Variants in ARHGAP24 observed in about 807,000 individuals in gnomAD.
ARHGAP24 encodes the protein rho GTPase-activating protein 24.
In ARHGAP24, 50 loss-of-function variants were observed where a neutral mutation model predicts 76.4. The ratio of observed to expected loss-of-function variants is 0.65; its 90% CI spans 0.52 to 0.83. The LOEUF is 0.83. Among genes scored for constraint, ARHGAP24 ranks in the 40% least tolerant of loss-of-function variants. The pLI, the probability that ARHGAP24 is intolerant of heterozygous loss-of-function variation, is 0.00. For synonymous variants in ARHGAP24, 345 were observed against 323.3 expected, an observed-to-expected ratio of 1.07 and a Z score of -0.72; for missense variants, 930 against 914.2, an observed-to-expected ratio of 1.02 and a Z score of -0.22.
chr4:85,654,406 T>C (rs1722058034), intron 2 of ARHGAP24, among the ~76,000 whole-genome samples: 1 of 152,188 alleles, frequency 6.6e-6, no homozygotes, highest in East Asian at 1.9e-4. Flanking sequence ...GGTTTCAACA[T>C]GAATTTTGGG....
rs5860005 is a variant in ARHGAP24 at position 85,872,595 on chromosome 4, CTTTTTTTT to C, written c.269-51038_269-51031del. 6.8e-5 allele frequency among the ~76,000 whole-genome samples: 5 copies of C among 73,186 alleles called. No homozygotes were observed. In the East Asian group the frequency reaches 1.8e-3, roughly 26 times the overall value. 48.0% of individuals were successfully genotyped at this position (73,186 alleles called of 152,430 possible). Reference sequence around the variant, plus strand: ...ATAGGCATGAGCCACTGCATCTGGCCTTTTTTTTTTTTTTTTTTTTTTGACAGGGTCTC... The same window carrying C: ...ATAGGCATGAGCCACTGCATCTGGCCTTTTTTTTTTTTTTGACAGGGTCTC... On this transcript the variant is annotated intron_variant, in intron 3 of 9. Coordinates refer to ENST00000395184, the MANE Select transcript of ARHGAP24 (RefSeq NM_001025616.3).
intron 2 of ARHGAP24, among the ~76,000 whole-genome samples, chr4:85,576,658 A>C (rs1727388753): frequency 6.6e-6 from 1 of 152,202 alleles, no homozygotes; most frequent in Non-Finnish European, 1.5e-5. Flanking sequence ...AACGACACTA[A>C]GATGGTACTG....
In ARHGAP24 at chr4:85,780,424, G is replaced by A. The variant is rs563150821; in HGVS notation, c.268+58452G>A. On this transcript the variant is annotated intron_variant, in intron 3 of 9. Coordinates refer to ENST00000395184, the MANE Select transcript of ARHGAP24 (RefSeq NM_001025616.3). ...GCTGACCTCATGATCCACCCACCTCGGCCTCCCAAAGTGCTGGGATTACAA... is the reference window on the plus strand; with the variant it reads ...GCTGACCTCATGATCCACCCACCTCAGCCTCCCAAAGTGCTGGGATTACAA... Among the ~76,000 whole-genome samples the A allele has an allele frequency of 3.4e-3, 524 of 152,132 alleles. 6 individuals are homozygous for A. The highest frequency in any genetic ancestry group is 0.012 in the African/African-American group (506 of 41,506).
intron 3 of ARHGAP24, among the ~76,000 whole-genome samples, chr4:85,919,564 T>C (rs760067108): frequency 2.0e-5 from 3 of 152,140 alleles, no homozygotes; most frequent in African/African-American, 4.8e-5. Context: ...GATCCATAGA[T>C]GAAATTCACA....
At chr4:85,743,321 A>G (rs1725893623) in intron 3 of ARHGAP24, among the ~76,000 whole-genome samples, 1 of 147,464 alleles carries the variant, frequency 6.8e-6, no homozygotes, top group Non-Finnish European at 1.5e-5. Context: ...GAAAGAGCCA[A>G]TGAGGGGCCA....
At chr4:85,884,803 T>C (rs1050603114) in intron 3 of ARHGAP24, among the ~76,000 whole-genome samples, 2 of 152,186 alleles carry the variant, frequency 1.3e-5, no homozygotes, top group Middle Eastern at 3.2e-3. Flanking sequence ...GTTGAGAGTG[T>C]TGAGTACAGA....
chr4:85,976,115 T>C (rs1409119560), intron 7 of ARHGAP24, among the ~76,000 whole-genome samples: 2 of 152,218 alleles, frequency 1.3e-5, no homozygotes, highest in Non-Finnish European at 2.9e-5. Flanking sequence ...AAAAAGCTTC[T>C]TTGGAACCAT....
chr4:85,713,313 T>C (rs143733547), intron 2 of ARHGAP24, among the ~76,000 whole-genome samples: 113 of 152,190 alleles, frequency 7.4e-4, no homozygotes, highest in African/African-American at 2.7e-3. Context: ...CTCAAAAAGA[T>C]AAGTTCATTA....
intron 3 of ARHGAP24, among the ~76,000 whole-genome samples, chr4:85,788,188 C>T (rs1057457686): frequency 6.6e-6 from 1 of 152,150 alleles, no homozygotes; most frequent in African/African-American, 2.4e-5. Flanking sequence ...GATTCCCCCT[C>T]ATCCCCACCC....
At chr4:85,782,423 G>T (rs1247684372) in intron 3 of ARHGAP24, among the ~76,000 whole-genome samples, 1 of 152,074 alleles carries the variant, frequency 6.6e-6, no homozygotes. Context: ...TTTCAAACCT[G>T]GAAAAGGAAA....
rs541263857 is a variant in ARHGAP24 at position 85,582,462 on chromosome 4, C to T, written c.180+11741C>T. The stretch of plus-strand genomic sequence containing the variant: ...TATTTTAAAGATATGGACAATCAGA[C>T]TGCTCCCTTTAAAGCCCTTTCCATC... On this transcript the variant is annotated intron_variant, in intron 2 of 9. Coordinates refer to ENST00000395184, the MANE Select transcript of ARHGAP24 (RefSeq NM_001025616.3). Among the ~76,000 whole-genome samples the T allele has an allele frequency of 7.9e-5, 12 of 152,244 alleles. No homozygotes were observed. In the South Asian group the frequency reaches 2.5e-3, roughly 32 times the overall value.
At chr4:85,655,818 A>G (rs4527466) in intron 2 of ARHGAP24, among the ~76,000 whole-genome samples, 2,351 of 35,262 alleles carry the variant, frequency 0.067, 347 homozygotes, top group African/African-American at 0.27. Context: ...GAGAGAGAGA[A>G]AGAGAGAGAG....
chr4:85,786,045 A>G (rs982407093), intron 3 of ARHGAP24, among the ~76,000 whole-genome samples: 2 of 151,664 alleles, frequency 1.3e-5, no homozygotes, highest in African/African-American at 4.9e-5. Context: ...GGCCTATTTC[A>G]TTTCCTTAAT....
intron 2 of ARHGAP24, among the ~76,000 whole-genome samples, chr4:85,640,574 A>C (rs1194729063): frequency 3.3e-5 from 5 of 152,198 alleles, no homozygotes; most frequent in African/African-American, 1.2e-4. Context: ...AGAGTTTATT[A>C]AACAAACATC....
chr4:85,657,636 A>T (rs969549218), intron 2 of ARHGAP24, among the ~76,000 whole-genome samples: 1 of 152,160 alleles, frequency 6.6e-6, no homozygotes, highest in Non-Finnish European at 1.5e-5. Flanking sequence ...CAAATTAATA[A>T]CTTTATCCTC....
intron 3 of ARHGAP24, among the ~76,000 whole-genome samples, chr4:85,870,320 T>C (rs989902852): frequency 7.2e-5 from 11 of 152,194 alleles, no homozygotes; most frequent in African/African-American, 2.7e-4. Context: ...TGTACATGTC[T>C]ATATTTTCTT....
Position 85,994,762 on chromosome 4 carries a change from C to T in ARHGAP24, c.1108C>T (p.Pro370Ser), listed in dbSNP as rs768626255. The stretch of plus-strand genomic sequence containing the variant: ...GGAGAACAATAACACCAAGGACAGC[C>T]CTAGTAGGCAGTGCTCCTGGGACAA... ...NKENNNTKDS[P>S]SRQCSWDKSE... Residue 370 changes from proline (P) to serine (S), a missense_variant, in exon 9 of 10, where the codon CCT (proline) becomes TCT (serine). Coordinates refer to ENST00000395184, the MANE Select transcript of ARHGAP24 (RefSeq NM_001025616.3). The T allele has an allele frequency of 6.2e-6, 10 of 1,613,920 alleles. No individual in the cohort carries two copies. In the African/African-American group the frequency reaches 1.1e-4, roughly 17 times the overall value.
chr4:85,800,897 G>A (rs1728552954), intron 3 of ARHGAP24, among the ~76,000 whole-genome samples: 1 of 152,190 alleles, frequency 6.6e-6, no homozygotes, highest in African/African-American at 2.4e-5. Flanking sequence ...TCAGTTGAAA[G>A]TTCTCAATAG....
chr4:85,995,061 T>G lies in ARHGAP24; in HGVS notation c.1407T>G (p.Gly469=). The change falls in exon 9 of 10, where the codon GGT becomes GGG. Residue 469 remains glycine, a synonymous_variant. Coordinates refer to ENST00000395184, the MANE Select transcript of ARHGAP24 (RefSeq NM_001025616.3). ...ARRSSSLKVS[G]TKMGTHSVQN... is the part of the protein sequence containing the mutation. ...GGAGCTCTTCACTGAAGGTATCTGG[T>G]ACCAAAATGGGCACGCACAGTGTAC... The G allele has an allele frequency of 6.2e-7, 1 of 1,613,952 alleles. No individual in the cohort carries two copies.
Sources: gnomAD v4.1 joint callset for allele counts (sites outside exome capture counted in the v4.1 genomes callset) on GRCh38, gnomAD v4.1.1 for gene constraint, MANE v1.5 for transcripts, NCBI Gene and HGNC (gene_info 2026-07-23, HGNC 2026-07-21) for gene names.